The following GPR158 variants were observed in gnomAD, a reference collection of about 807,000 sequenced individuals.
The protein encoded by GPR158 is metabotropic glycine receptor.
In GPR158, 30 loss-of-function variants were observed where a neutral mutation model predicts 78.2. The observed-to-expected ratio is 0.38, with a 90% CI of 0.29 to 0.52. The LOEUF is 0.52. Among genes scored for constraint, GPR158 ranks in the 20% least tolerant of loss-of-function variants. The probability of loss-of-function intolerance (pLI) is 0.83; values close to 1 mark genes in which losing one functional copy is unlikely to be tolerated. For missense variants in GPR158, 1,463 were observed against 1,523.5 expected (o/e 0.96, Z 0.66); for synonymous variants, 581 against 591.1 (o/e 0.98, Z 0.25).
intron 5 of GPR158, among the ~76,000 whole-genome samples, chr10:25,491,675 G>A (rs545131067): frequency 3.7e-4 from 56 of 152,056 alleles, no homozygotes; most frequent in African/African-American, 1.4e-3. Context: ...GAAAAATTAG[G>A]AATTGAAATT....
chr10:25,516,284 G>A (rs1836171671), intron 5 of GPR158, among the ~76,000 whole-genome samples: 1 of 148,424 alleles, frequency 6.7e-6, no homozygotes, highest in Non-Finnish European at 1.5e-5. Context: ...TTTGTCAGAT[G>A]AGTAGGTTGC....
chr10:25,408,661 A>G (rs1834547254), intron 3 of GPR158, among the ~76,000 whole-genome samples: 1 of 152,194 alleles, frequency 6.6e-6, no homozygotes, highest in African/African-American at 2.4e-5. Context: ...TTTTCTCAGT[A>G]TCCTAGCTTC....
intron 4 of GPR158, among the ~76,000 whole-genome samples, chr10:25,461,134 C>T (rs1835354220): frequency 6.6e-6 from 1 of 152,110 alleles, no homozygotes; most frequent in Non-Finnish European, 1.5e-5. Context: ...ATTAATAATC[C>T]TACAATGGCC....
At chr10:25,295,090 C>T (rs1287638659) in intron 2 of GPR158, among the ~76,000 whole-genome samples, 1 of 152,172 alleles carries the variant, frequency 6.6e-6, no homozygotes, top group Admixed American at 6.5e-5. Flanking sequence ...CTAGTCTGCC[C>T]CATATGCGGA....
At chr10:25,477,820 G>A (rs939300800) in intron 5 of GPR158, among the ~76,000 whole-genome samples, 1 of 152,176 alleles carries the variant, frequency 6.6e-6, no homozygotes, top group Non-Finnish European at 1.5e-5. Flanking sequence ...ACTGTTGGAG[G>A]ATTTCAGAAA....
rs1195375304 is a variant in GPR158, at chr10:25,244,702, G to A, written c.1008+23545G>A. The stretch of plus-strand genomic sequence containing the variant: ...AGCTCTGAAATAGTGAGAGCTAGAG[G>A]ACTTGGGCTACTCTTGACCCTAAAC... On this transcript the variant is annotated intron_variant, in intron 2 of 10. Coordinates refer to ENST00000376351, the MANE Select transcript of GPR158 (RefSeq NM_020752.3). 3.3e-5 allele frequency: 5 copies of A among 152,222 alleles called. No homozygotes were observed. The East Asian group carries it at 9.7e-4, about 29-fold the overall frequency. The allele number at this position is 152,222 out of a possible 1,614,324, so 9.4% of individuals were successfully genotyped here. A position where few individuals can be genotyped will look rare whatever the true frequency, so the allele number is the denominator to read the frequency against.
rs151318472 is a variant in GPR158, at chr10:25,236,893, A to G, written c.1008+15736A>G. On this transcript the variant is annotated intron_variant, in intron 2 of 10. Transcript: ENST00000376351. ...CTTTCACTTTGTCAAATGTGTATGC[A>G]TGAGTATTCATACAAATGTATATAA... 3.5e-3 allele frequency among the ~76,000 whole-genome samples: 536 copies of G among 152,340 alleles called. 6 individuals carry two copies. Among genetic ancestry groups the G allele is most frequent in the African/African-American group, 0.012 (518 of 41,580 alleles).
chr10:25,441,285 C>T (rs904648833), intron 4 of GPR158, among the ~76,000 whole-genome samples: 1 of 152,194 alleles, frequency 6.6e-6, no homozygotes, highest in African/African-American at 2.4e-5. Context: ...TAGCTCTATA[C>T]CCAAATTCAG....
At chr10:25,243,469 T>A (rs994155150) in intron 2 of GPR158, among the ~76,000 whole-genome samples, 1 of 152,216 alleles carries the variant, frequency 6.6e-6, no homozygotes, top group Admixed American at 6.6e-5. Context: ...CTATCCTTCA[T>A]ATGAAGTTCT....
intron 2 of GPR158, among the ~76,000 whole-genome samples, chr10:25,268,810 G>A (rs1854077349): frequency 1.3e-5 from 2 of 152,152 alleles, no homozygotes; most frequent in South Asian, 2.1e-4. Context: ...TCAACGAAAT[G>A]TCATTGCTAT....
chr10:25,203,513 C>T (rs1405935600), intron 1 of GPR158, among the ~76,000 whole-genome samples: 2 of 151,608 alleles, frequency 1.3e-5, no homozygotes, highest in African/African-American at 4.9e-5. Flanking sequence ...AATAGGGACT[C>T]CTTTCCCCAT....
intron 5 of GPR158, among the ~76,000 whole-genome samples, chr10:25,536,470 T>A (rs1347650779): frequency 1.3e-5 from 2 of 152,210 alleles, no homozygotes; most frequent in Non-Finnish European, 2.9e-5. Context: ...TGAAGAAGTG[T>A]AAAGTCTCCA....
chr10:25,380,423 C>G (rs907056062), intron 2 of GPR158, among the ~76,000 whole-genome samples: 3 of 152,128 alleles, frequency 2.0e-5, no homozygotes, highest in Admixed American at 1.3e-4. Context: ...GCATTTGCTT[C>G]TTGATGTTTT....
chr10:25,458,468 G>A (rs1835318466), intron 4 of GPR158, among the ~76,000 whole-genome samples: 1 of 152,162 alleles, frequency 6.6e-6, no homozygotes, highest in Admixed American at 6.6e-5. Context: ...ACTGATTTGG[G>A]AACCAGCAGC....
chr10:25,241,577 T>C (rs1238243629), intron 2 of GPR158, among the ~76,000 whole-genome samples: 1 of 151,668 alleles, frequency 6.6e-6, no homozygotes, highest in African/African-American at 2.4e-5. Context: ...CGCACCACCA[T>C]GCCTGGCTAA....
chr10:25,513,644 G>T (rs1289793815), intron 5 of GPR158, among the ~76,000 whole-genome samples: 1 of 152,014 alleles, frequency 6.6e-6, no homozygotes, highest in African/African-American at 2.4e-5. Context: ...GACTTTTGAT[G>T]TAGGCATTTA....
chr10:25,595,671 A>C (rs1306216896), intron 9 of GPR158, among the ~76,000 whole-genome samples: 1 of 152,256 alleles, frequency 6.6e-6, no homozygotes, highest in Non-Finnish European at 1.5e-5. Flanking sequence ...TGAAATGTCC[A>C]GAATGGGCAA....
intron 2 of GPR158, among the ~76,000 whole-genome samples, chr10:25,296,323 A>T (rs1223624115): frequency 6.6e-6 from 1 of 152,120 alleles, no homozygotes; most frequent in Admixed American, 6.5e-5. Flanking sequence ...GTAACAGCCA[A>T]CAGTCACAGG....
In GPR158 at chr10:25,259,425, A is replaced by G. The variant is rs111573040; in HGVS notation, c.1008+38268A>G. On this transcript the variant is annotated intron_variant, in intron 2 of 10. Transcript: ENST00000376351. ...CTGCTCTTTTGTATAATGTTTCCATATATGTGTTTCTCAGTTCTTTGTGTG... is the reference window on the plus strand; with the variant it reads ...CTGCTCTTTTGTATAATGTTTCCATGTATGTGTTTCTCAGTTCTTTGTGTG... Among the ~76,000 whole-genome samples the G allele has an allele frequency of 6.8e-4, 104 of 152,142 alleles. 2 individuals are homozygous for G. The highest frequency in any genetic ancestry group is 2.3e-3 in the African/African-American group (97 of 41,534).
Sources: gnomAD v4.1 joint callset for allele counts (sites outside exome capture counted in the v4.1 genomes callset) on GRCh38, gnomAD v4.1.1 for gene constraint, MANE v1.5 for transcripts, NCBI Gene and HGNC (gene_info 2026-07-23, HGNC 2026-07-21) for gene names.